Variants in MAD1L1 observed in about 807,000 individuals in gnomAD.
The protein encoded by MAD1L1 is mitotic arrest deficient 1 like 1.
Under a neutral mutation model 96.9 loss-of-function variants are expected in MAD1L1, and 95 were observed. That is an observed-to-expected ratio of 0.98 (90% CI 0.83 to 1.16). The LOEUF (loss-of-function observed/expected upper bound fraction) is 1.16. Ranked by LOEUF, MAD1L1 falls within the 50% of genes most tolerant of loss-of-function variation. The probability of loss-of-function intolerance (pLI) is 0.00; values close to 1 mark genes in which losing one functional copy is unlikely to be tolerated. For missense variants in MAD1L1, 1,007 were observed against 954.4 expected, an observed-to-expected ratio of 1.06 and a Z score of -0.73; for synonymous variants, 473 against 396.6, an observed-to-expected ratio of 1.19 and a Z score of -2.29.
At chr7:2,082,901 G>C (rs560678278) in intron 11 of MAD1L1, among the ~76,000 whole-genome samples, 3 of 152,338 alleles carry the variant, frequency 2.0e-5, no homozygotes, top group Non-Finnish European at 4.4e-5. Context: ...TTTTCCCATT[G>C]ATTTTGCCAT....
chr7:2,176,688 A>G (rs997600977), intron 10 of MAD1L1, among the ~76,000 whole-genome samples: 5 of 152,092 alleles, frequency 3.3e-5, no homozygotes, highest in African/African-American at 1.2e-4. Flanking sequence ...GCAAAGTCAC[A>G]GGACACTGTC....
intron 10 of MAD1L1, among the ~76,000 whole-genome samples, chr7:2,176,835 A>G (rs1405202847): frequency 6.6e-6 from 1 of 152,238 alleles, no homozygotes; most frequent in Non-Finnish European, 1.5e-5. Context: ...TTCTACTCAA[A>G]TTATCATCAA....
chr7:1,898,676 C>T (rs1015565493), intron 17 of MAD1L1, among the ~76,000 whole-genome samples: 1 of 152,226 alleles, frequency 6.6e-6, no homozygotes, highest in Non-Finnish European at 1.5e-5. Flanking sequence ...AGGGCCCCTC[C>T]ACAGGGATCA....
At chr7:1,828,618 C>A (rs990283187) in intron 18 of MAD1L1, among the ~76,000 whole-genome samples, 9 of 152,336 alleles carry the variant, frequency 5.9e-5, no homozygotes, top group African/African-American at 2.2e-4. Context: ...CTCACATTTC[C>A]TAAACCGAGA....
rs761578197 is a variant in MAD1L1, at chr7:2,069,303, T to C, written c.1109A>G (p.Gln370Arg). ...RGLEKARQQL[Q>R]EELRQVSGQL... ...GCCGCTGACCTGCCGGAGCTCCTCCTGCAGCTGCTGCCTGGCCTTCTCCAG... is the reference window on the plus strand; with the variant it reads ...GCCGCTGACCTGCCGGAGCTCCTCCCGCAGCTGCTGCCTGGCCTTCTCCAG... Residue 370 changes from glutamine (Q) to arginine (R), a missense_variant, in exon 12 of 19, where the codon CAG becomes CGG. Transcript: ENST00000265854. 169 of 1,608,102 alleles carry C rather than the reference T, an allele frequency of 1.1e-4. No homozygotes were observed. The highest frequency in any genetic ancestry group is 1.4e-4 in the Non-Finnish European group (160 of 1,178,886).
chr7:2,127,350 C>A (rs1788280952), intron 11 of MAD1L1, among the ~76,000 whole-genome samples: 1 of 152,178 alleles, frequency 6.6e-6, no homozygotes, highest in Non-Finnish European at 1.5e-5. Context: ...AGAGTGGGGC[C>A]CCTGATGGAG....
chr7:1,839,224 C>A lies in MAD1L1; in HGVS notation c.1999-22996G>T, dbSNP rs13234214. Among the ~76,000 whole-genome samples the A allele has an allele frequency of 4.7e-3, 712 of 151,796 alleles. 7 individuals are homozygous for A. Among genetic ancestry groups the A allele is most frequent in the African/African-American group, 0.016 (673 of 41,382 alleles). ...GGTGGAGCAGGGCTTGGTGGGAGGGCGGGGCTAGGTGGGCTTGCCCGGGGT... is the reference window on the plus strand; with the variant it reads ...GGTGGAGCAGGGCTTGGTGGGAGGGAGGGGCTAGGTGGGCTTGCCCGGGGT... On this transcript the variant is annotated intron_variant, in intron 18 of 18. Coordinates refer to ENST00000265854, the MANE Select transcript of MAD1L1 (RefSeq NM_001013836.2).
rs927666412 is a variant in MAD1L1 at position 1,986,431 on chromosome 7, A to T, written c.1417-5890T>A. The stretch of plus-strand genomic sequence containing the variant: ...CCGCCGGCCCCCGCACTGCGGAGCC[A>T]GGGTCAGGGGCCGCCTCTCGCAAGG... On this transcript the variant is annotated intron_variant, in intron 14 of 18. Transcript: ENST00000265854. 3.3e-5 allele frequency among the ~76,000 whole-genome samples: 5 copies of T among 149,626 alleles called. No homozygotes were observed. In the South Asian group the frequency reaches 8.4e-4, roughly 25 times the overall value.
intron 4 of MAD1L1, among the ~76,000 whole-genome samples, chr7:2,224,035 G>C (rs920288931): frequency 2.0e-5 from 3 of 152,138 alleles, no homozygotes; most frequent in Non-Finnish European, 2.9e-5. Context: ...CCCCAAGACA[G>C]GGTTCCCGGA....
chr7:1,891,857 A>G (rs995123309), intron 18 of MAD1L1, among the ~76,000 whole-genome samples: 53 of 152,222 alleles, frequency 3.5e-4, no homozygotes, highest in Non-Finnish European at 2.4e-4. Flanking sequence ...TTAGGATTAT[A>G]GGCACAGGCC....
intron 12 of MAD1L1, among the ~76,000 whole-genome samples, chr7:2,059,902 T>C (rs540410979): frequency 6.6e-6 from 1 of 152,248 alleles, no homozygotes; most frequent in East Asian, 1.9e-4. Context: ...CTGCGTCGAA[T>C]GTTCAAATAC....
intron 12 of MAD1L1, among the ~76,000 whole-genome samples, chr7:2,040,290 C>T (rs763674923): frequency 6.6e-6 from 1 of 152,208 alleles, no homozygotes; most frequent in Admixed American, 6.5e-5. Flanking sequence ...GCTGCCTCTG[C>T]GGCTCCATCT....
At chr7:2,181,769 G>A (rs1333659744) in intron 10 of MAD1L1, among the ~76,000 whole-genome samples, 1 of 152,096 alleles carries the variant, frequency 6.6e-6, no homozygotes, top group African/African-American at 2.4e-5. Context: ...TACGGAACCA[G>A]CCTAAATGCC....
At chr7:1,907,050 T>C (rs1787679505) in intron 17 of MAD1L1, among the ~76,000 whole-genome samples, 1 of 150,988 alleles carries the variant, frequency 6.6e-6, no homozygotes, top group South Asian at 2.1e-4. Context: ...CCATCCCTGC[T>C]GTGGCTAACA....
chr7:2,065,000 T>C lies in MAD1L1; in HGVS notation c.1218+4194A>G, dbSNP rs569884562. ...ATGGTGGCTTCTTCCAGGAGGACAG[T>C]GGCTGATCATAGGAGGACAGCGGCT... On this transcript the variant is annotated intron_variant, in intron 12 of 18. Transcript: ENST00000265854. 2.4e-4 allele frequency among the ~76,000 whole-genome samples: 37 copies of C among 151,768 alleles called. 1 individual carries two copies. In the South Asian group the frequency reaches 7.7e-3, roughly 32 times the overall value.
At chr7:2,228,646 T>C (rs185767315) in intron 3 of MAD1L1, among the ~76,000 whole-genome samples, 2 of 93,482 alleles carry the variant, frequency 2.1e-5, no homozygotes, top group Non-Finnish European at 2.1e-5. Flanking sequence ...ATAAATATTA[T>C]ATATATACAC....
At chr7:1,888,019 G>A (rs1786244511) in intron 18 of MAD1L1, among the ~76,000 whole-genome samples, 1 of 150,488 alleles carries the variant, frequency 6.6e-6, no homozygotes, top group African/African-American at 2.5e-5. Context: ...GTACGTGTGT[G>A]TGCATGCGTG....
intron 18 of MAD1L1, among the ~76,000 whole-genome samples, chr7:1,877,261 C>T (rs1403931034): frequency 6.6e-6 from 1 of 152,120 alleles, no homozygotes; most frequent in Non-Finnish European, 1.5e-5. Flanking sequence ...CATTTGAGCT[C>T]ATTATGTAAC....
intron 11 of MAD1L1, among the ~76,000 whole-genome samples, chr7:2,109,303 C>T (rs1462889016): frequency 1.3e-5 from 2 of 152,240 alleles, no homozygotes; most frequent in Non-Finnish European, 2.9e-5. Context: ...CCCATGAGAG[C>T]ACTGGAGGCG....
Sources: allele counts gnomAD v4.1 joint callset (sites outside exome capture counted in the v4.1 genomes callset), GRCh38; gene constraint gnomAD v4.1.1; transcripts MANE v1.5; gene names NCBI Gene and HGNC (gene_info 2026-07-23, HGNC 2026-07-21).